The following PRLR variants were observed in gnomAD, a reference collection of about 807,000 sequenced individuals.
The protein encoded by PRLR is hPRL receptor.
A neutral mutation model predicts 40.2 loss-of-function variants in PRLR; 13 were observed. The observed-to-expected ratio is 0.32, with a 90% CI of 0.21 to 0.51. The LOEUF (loss-of-function observed/expected upper bound fraction) is 0.51, where lower values mean the gene tolerates loss of function less well. Ranked by LOEUF, PRLR falls within the 20% of genes least tolerant of loss-of-function variation. The pLI is 0.97. For missense variants in PRLR, 656 were observed against 747.3 expected (o/e 0.88, Z 1.42); for synonymous variants, 269 against 278.7 (o/e 0.97, Z 0.35).
intron 1 of PRLR, among the ~76,000 whole-genome samples, chr5:35,133,309 TCTC>T (rs71600971): frequency 0.039 from 5,969 of 152,024 alleles, 273 homozygotes; most frequent in East Asian, 0.15. Flanking sequence ...CCATAATAAA[TCTC>T]CTCTCATGTA....
intron 1 of PRLR, among the ~76,000 whole-genome samples, chr5:35,153,892 G>A (rs1473219162): frequency 1.3e-5 from 2 of 152,148 alleles, no homozygotes; most frequent in Admixed American, 1.3e-4. Flanking sequence ...AACCCCAAAT[G>A]TCATCCCAGT....
intron 1 of PRLR, among the ~76,000 whole-genome samples, chr5:35,159,965 A>T (rs552788978): frequency 2.3e-4 from 35 of 152,216 alleles, no homozygotes; most frequent in Non-Finnish European, 5.0e-4. Flanking sequence ...TATAAAAGTG[A>T]TCCAATTTTA....
intron 5 of PRLR, 75 bp downstream of exon 5, chr5:35,084,395 G>T (rs1216081736): frequency 2.2e-6 from 3 of 1,380,172 alleles, no homozygotes; most frequent in African/African-American, 3.0e-5. Flanking sequence ...AACCCAAGAA[G>T]ACTCAAACTG....
chr5:35,230,151 T>A (rs1157355897), intron 1 of PRLR, 117 bp downstream of exon 1: 1 of 152,122 alleles, frequency 6.6e-6, no homozygotes, highest in Non-Finnish European at 1.5e-5. Context: ...CCCGCGCCGG[T>A]GGCCCCGCTC....
At chr5:35,166,846 T>C (rs1269444234) in intron 1 of PRLR, among the ~76,000 whole-genome samples, 1 of 152,186 alleles carries the variant, frequency 6.6e-6, no homozygotes, top group Non-Finnish European at 1.5e-5. Flanking sequence ...GTGTATTATA[T>C]TGCTTTTTAA....
intron 2 of PRLR, among the ~76,000 whole-genome samples, chr5:35,092,142 A>G (rs1771250975): frequency 6.6e-6 from 1 of 152,176 alleles, no homozygotes; most frequent in African/African-American, 2.4e-5. Flanking sequence ...TCTCCTAAAT[A>G]AAGTTTTCCT....
intron 6 of PRLR, among the ~76,000 whole-genome samples, chr5:35,072,149 C>T (rs1333762947): frequency 1.3e-5 from 2 of 152,220 alleles, no homozygotes; most frequent in South Asian, 2.1e-4. Flanking sequence ...CCACCTGTCT[C>T]GGCCTCCCAA....
At chr5:35,185,771 T>G (rs192055151) in intron 1 of PRLR, among the ~76,000 whole-genome samples, 1 of 152,214 alleles carries the variant, frequency 6.6e-6, no homozygotes, top group Non-Finnish European at 1.5e-5. Flanking sequence ...CAGCCTTGAC[T>G]AGGTGTCTTT....
intron 1 of PRLR, among the ~76,000 whole-genome samples, chr5:35,224,066 C>A (rs1390148763): frequency 6.6e-6 from 1 of 152,186 alleles, no homozygotes; most frequent in Admixed American, 6.5e-5. Flanking sequence ...TGCAGGAAAC[C>A]AGTGCAAACC....
intron 2 of PRLR, among the ~76,000 whole-genome samples, chr5:35,097,652 A>G (rs1302767420): frequency 6.6e-6 from 1 of 152,162 alleles, no homozygotes; most frequent in Non-Finnish European, 1.5e-5. Context: ...GAGTCCTCTA[A>G]GGCAGCCCTC....
intron 1 of PRLR, chr5:35,195,776 G>A (rs556398406): frequency 6.6e-6 from 1 of 152,300 alleles, no homozygotes; most frequent in South Asian, 2.1e-4. Context: ...GAGTATTTTT[G>A]TAGGCAAGGC....
intron 1 of PRLR, among the ~76,000 whole-genome samples, chr5:35,218,523 T>A (rs1776340975): frequency 6.6e-6 from 1 of 152,198 alleles, no homozygotes; most frequent in Non-Finnish European, 1.5e-5. Flanking sequence ...TTATATAAAC[T>A]TCAATTCTGT....
intron 1 of PRLR, among the ~76,000 whole-genome samples, chr5:35,155,008 G>A (rs997371408): frequency 4.9e-4 from 75 of 151,620 alleles, no homozygotes; most frequent in Admixed American, 2.6e-4. Flanking sequence ...TCAGGGGAGG[G>A]TGGGCACCAG....
At chr5:35,224,158 C>T (rs912742141) in intron 1 of PRLR, among the ~76,000 whole-genome samples, 5 of 152,262 alleles carry the variant, frequency 3.3e-5, no homozygotes, top group East Asian at 1.9e-4. Flanking sequence ...AGAAAACTGC[C>T]GCCATTTTCT....
chr5:35,108,971 A>T (rs1772462073), intron 2 of PRLR, among the ~76,000 whole-genome samples: 1 of 152,230 alleles, frequency 6.6e-6, no homozygotes, highest in South Asian at 2.1e-4. Flanking sequence ...AAACTATACT[A>T]CAAGGCTACA....
chr5:35,097,208 T>A (rs1405178059), intron 2 of PRLR, among the ~76,000 whole-genome samples: 3 of 152,170 alleles, frequency 2.0e-5, no homozygotes, highest in Non-Finnish European at 4.4e-5. Flanking sequence ...CTCAGACCTG[T>A]GTGCCAATAA....
chr5:35,175,888 A>C (rs1448638075), intron 1 of PRLR, among the ~76,000 whole-genome samples: 1 of 152,218 alleles, frequency 6.6e-6, no homozygotes, highest in African/African-American at 2.4e-5. Context: ...CTGAGAGGCC[A>C]AAGGGGGAAA....
chr5:35,158,374 T>A (rs767952675), intron 1 of PRLR, among the ~76,000 whole-genome samples: 2 of 152,154 alleles, frequency 1.3e-5, no homozygotes, highest in Non-Finnish European at 2.9e-5. Context: ...AATCCAGAAA[T>A]GTCTAGAGAT....
chr5:35,134,767 A>G (rs1579715421), intron 1 of PRLR, among the ~76,000 whole-genome samples: 1 of 152,216 alleles, frequency 6.6e-6, no homozygotes, highest in African/African-American at 2.4e-5. Flanking sequence ...CCTCCTAGAC[A>G]GTGAGTCTCC....
Sources: gnomAD v4.1 joint callset for allele counts (sites outside exome capture counted in the v4.1 genomes callset) on GRCh38, gnomAD v4.1.1 for gene constraint, MANE v1.5 for transcripts, NCBI Gene and HGNC (gene_info 2026-07-23, HGNC 2026-07-21) for gene names.